TNS3: variants seen among roughly 807,000 people sequenced by gnomAD.
TNS3 encodes the protein tensin 3, also known as tensin-3.
Under a neutral mutation model 140.9 loss-of-function variants are expected in TNS3, and 45 were observed. The observed-to-expected ratio is 0.32, with a 90% CI of 0.25 to 0.41. The LOEUF (loss-of-function observed/expected upper bound fraction) is 0.41. Among genes scored for constraint, TNS3 ranks in the 10% least tolerant of loss-of-function variants. The pLI, the probability that TNS3 is intolerant of heterozygous loss-of-function variation, is 1.00. For synonymous variants in TNS3, 815 were observed against 788.4 expected, an observed-to-expected ratio of 1.03 and a Z score of -0.56; for missense variants, 1,716 against 1,906.7, an observed-to-expected ratio of 0.90 and a Z score of 1.86.
intron 20 of TNS3, among the ~76,000 whole-genome samples, chr7:47,317,540 T>A (rs1312266762): frequency 6.6e-6 from 1 of 152,190 alleles, no homozygotes; most frequent in East Asian, 1.9e-4. Flanking sequence ...TCATAGTGAG[T>A]GTTTCCCAAG....
In TNS3 at chr7:47,428,373, C is replaced by T; in HGVS notation, c.328G>A (p.Gly110Arg). ...QHVVVIHCRGGKGRIGVVISS... is the reference protein window; with the variant it reads ...QHVVVIHCRGRKGRIGVVISS... ...ATGACCACTCCTATGCGTCCTTTCC[C>T]GCCCTGCAGGAGACAAAAGATCAGC... The change falls in exon 9 of 31, where the codon GGG becomes AGG. Residue 110 changes from glycine to arginine, a missense_variant. Gly to Arg is a moderately radical substitution (Grantham distance 125). Coordinates refer to ENST00000311160, the MANE Select transcript of TNS3 (RefSeq NM_022748.12). 4 of 1,429,980 alleles carry T rather than the reference C, an allele frequency of 2.8e-6. No homozygotes were observed. The South Asian group carries it at 5.0e-5, about 18-fold the overall frequency. The allele number at this position is 1,429,980 out of a possible 1,614,324, so 88.6% of individuals were successfully genotyped here.
intron 2 of TNS3, among the ~76,000 whole-genome samples, chr7:47,507,458 GCA>G (rs1226817815): frequency 1.3e-5 from 2 of 152,198 alleles, no homozygotes; most frequent in African/African-American, 4.8e-5. Context: ...AGAAAGTCGT[GCA>G]TCTGGATTTC....
chr7:47,339,601 A>T (rs540277890), intron 20 of TNS3, among the ~76,000 whole-genome samples: 1 of 152,340 alleles, frequency 6.6e-6, no homozygotes, highest in East Asian at 1.9e-4. Flanking sequence ...CTATACAATA[A>T]GTCTTGAAAT....
chr7:47,408,657 T>C (rs889637659), intron 13 of TNS3, among the ~76,000 whole-genome samples: 1 of 152,222 alleles, frequency 6.6e-6, no homozygotes, highest in Admixed American at 6.5e-5. Flanking sequence ...AAACCTGCAC[T>C]AGGCAGAGGT....
intron 1 of TNS3, among the ~76,000 whole-genome samples, chr7:47,566,762 G>A (rs937061966): frequency 5.3e-5 from 8 of 152,138 alleles, no homozygotes; most frequent in East Asian, 1.9e-4. Context: ...TCTCATGGCC[G>A]GGCACGGTAA....
At position 47,439,595 on chromosome 7, in the gene TNS3, C is replaced by T; in HGVS notation, c.42G>A (p.Glu14=). 1.2e-6 allele frequency: 2 copies of T among 1,614,092 alleles called. No individual in the cohort carries two copies. The highest frequency in any genetic ancestry group is 1.7e-6 in the Non-Finnish European group (2 of 1,179,988). ...GHGLDLTYIT[E]RIIAVSFPAG... is the part of the protein sequence containing the mutation. ...CAGGGAAGGACACAGCGATGATGCG[C>T]TCCGTGATGTAAGTGAGGTCCAGCC... is the stretch of plus-strand genomic sequence containing the variant. Residue 14 remains glutamate (E), a synonymous_variant, in exon 6 of 31, where the codon GAG becomes GAA. Transcript: ENST00000311160.
At position 47,277,622 on chromosome 7, in the gene TNS3, C is replaced by A. The variant is rs1784924434; in HGVS notation, c.*454G>T. 3 of 237,978 alleles carry A rather than the reference C, an allele frequency of 1.3e-5. No individual in the cohort carries two copies. The highest frequency in any genetic ancestry group is 1.1e-4 in the South Asian group (2 of 18,044). 14.7% of individuals were successfully genotyped at this position (237,978 alleles called of 1,614,324 possible). ...CTTGGGAAGACCGAGGTGAGGGAAA[C>A]CCCCGGCCTCGGGTGCAGCTGGACA... On this transcript the variant is annotated 3_prime_UTR_variant, in exon 31 of 31. Coordinates refer to ENST00000311160, the MANE Select transcript of TNS3 (RefSeq NM_022748.12).
In TNS3 at chr7:47,304,938, T is replaced by C. The variant is rs1306541431; in HGVS notation, c.2716A>G (p.Lys906Glu). The C allele has an allele frequency of 7.0e-7, 1 of 1,427,426 alleles. No homozygotes were observed. Among genetic ancestry groups the C allele is most frequent in the Non-Finnish European group, 9.3e-7 (1 of 1,076,238 alleles). 88.4% of individuals were successfully genotyped at this position (1,427,426 alleles called of 1,614,324 possible). ...GCATCAGCCCGGAGCATCGTGGATT[T>C]GGGTCCGATGGGGCTCTCTGACATC... The part of the protein sequence containing the change: ...VGMSESPIGP[K>E]STMLRADASS... The change falls in exon 21 of 31, where the codon AAA becomes GAA. Residue 906 changes from lysine to glutamate, a missense_variant. Lys to Glu is a moderately conservative substitution (Grantham distance 56). Transcript: ENST00000311160.
intron 1 of TNS3, among the ~76,000 whole-genome samples, chr7:47,546,128 C>T (rs1186089872): frequency 6.6e-6 from 1 of 152,192 alleles, no homozygotes; most frequent in Admixed American, 6.5e-5. Flanking sequence ...GGACCCCGAC[C>T]CCACTCCTCT....
At chr7:47,282,818 T>C (rs1347782356) in intron 28 of TNS3, among the ~76,000 whole-genome samples, 5 of 152,120 alleles carry the variant, frequency 3.3e-5, no homozygotes, top group Non-Finnish European at 5.9e-5. Context: ...AACTCACTTA[T>C]TCCTGAAGCT....
intron 15 of TNS3, 31 bp downstream of exon 15, chr7:47,400,362 G>C (rs1369895484): frequency 3.1e-6 from 5 of 1,604,926 alleles, no homozygotes; most frequent in Non-Finnish European, 3.4e-6. Context: ...GTGTCAGCAA[G>C]GACCACCCAG....
chr7:47,498,800 T>C (rs1026449880), intron 3 of TNS3, among the ~76,000 whole-genome samples: 2 of 152,180 alleles, frequency 1.3e-5, no homozygotes, highest in Non-Finnish European at 2.9e-5. Flanking sequence ...CAAAGACCTG[T>C]TTCCTCTGGT....
chr7:47,290,260 G>A (rs780247676), intron 27 of TNS3, among the ~76,000 whole-genome samples: 1 of 152,138 alleles, frequency 6.6e-6, no homozygotes, highest in African/African-American at 2.4e-5. Context: ...CAGACTTAAA[G>A]GTAAAATTTG....
chr7:47,572,642 G>A (rs1420605556), intron 1 of TNS3, among the ~76,000 whole-genome samples: 2 of 152,192 alleles, frequency 1.3e-5, no homozygotes, highest in East Asian at 1.9e-4. Context: ...TTGGGAGGCC[G>A]AGGCGGGCAG....
chr7:47,562,115 T>A (rs758351894), intron 1 of TNS3, among the ~76,000 whole-genome samples: 3 of 152,194 alleles, frequency 2.0e-5, no homozygotes, highest in Admixed American at 6.5e-5. Flanking sequence ...ATTTCTCCAT[T>A]GCAGTAATGA....
Position 47,380,940 on chromosome 7 carries a change from C to T in TNS3, c.1025-11319G>A, listed in dbSNP as rs111700028. 1.8e-4 allele frequency among the ~76,000 whole-genome samples: 28 copies of T among 152,252 alleles called. 1 individual carries two copies. Among genetic ancestry groups the T allele is most frequent in the African/African-American group, 6.7e-4 (28 of 41,544 alleles). Reference sequence around the variant, plus strand: ...TGCCACCTCCCTCCCAGGCACCTGGCCTCCCACTAGTGTAGAAGGTAAAAG... The same window carrying T: ...TGCCACCTCCCTCCCAGGCACCTGGTCTCCCACTAGTGTAGAAGGTAAAAG... On this transcript the variant is annotated intron_variant, in intron 16 of 30. Coordinates refer to ENST00000311160, the MANE Select transcript of TNS3 (RefSeq NM_022748.12).
chr7:47,509,339 T>C (rs1436185251), intron 2 of TNS3, among the ~76,000 whole-genome samples: 1 of 152,198 alleles, frequency 6.6e-6, no homozygotes, highest in African/African-American at 2.4e-5. Flanking sequence ...TTTACAAATG[T>C]TTGGACTAGG....
At chr7:47,544,919 G>A (rs1304357974) in intron 1 of TNS3, among the ~76,000 whole-genome samples, 1 of 151,730 alleles carries the variant, frequency 6.6e-6, no homozygotes, top group Non-Finnish European at 1.5e-5. Context: ...TCACCATCAA[G>A]TTGACTCCAA....
At chr7:47,400,754 C>G in intron 14 of TNS3, 31 bp downstream of exon 14, 1 of 1,609,980 alleles carries the variant, frequency 6.2e-7, no homozygotes. Context: ...CAGCTGCCCA[C>G]AAGCACAGGG....
Sources: gnomAD v4.1 joint callset for allele counts (sites outside exome capture counted in the v4.1 genomes callset) on GRCh38, gnomAD v4.1.1 for gene constraint, MANE v1.5 for transcripts, NCBI Gene and HGNC (gene_info 2026-07-23, HGNC 2026-07-21) for gene names.